CFAP20DC: variants seen among roughly 807,000 people sequenced by gnomAD.
CFAP20DC encodes CFAP20 domain containing, also known as protein CFAP20DC.
Under a neutral mutation model 101.7 loss-of-function variants are expected in CFAP20DC, and 84 were observed. That is an observed-to-expected ratio of 0.83 (90% confidence interval 0.69 to 0.99). The LOEUF (loss-of-function observed/expected upper bound fraction) is 0.99, where lower values mean the gene tolerates loss of function less well. CFAP20DC is among the 50% of genes least tolerant of loss of function. The probability of loss-of-function intolerance (pLI) is 0.00; values close to 1 mark genes in which losing one functional copy is unlikely to be tolerated. For missense variants in CFAP20DC, 1,007 were observed against 970.3 expected (o/e 1.04, Z -0.50); for synonymous variants, 359 against 351.2 (o/e 1.02, Z -0.25).
chr3:58,792,459 A>G (rs780105480), intron 15 of CFAP20DC, among the ~76,000 whole-genome samples: 27 of 152,130 alleles, frequency 1.8e-4, no homozygotes, highest in Non-Finnish European at 3.1e-4. Flanking sequence ...AACTATTTCA[A>G]TGCTTCATAG....
intron 4 of CFAP20DC, among the ~76,000 whole-genome samples, chr3:58,989,489 T>C (rs1405740973): frequency 1.3e-5 from 2 of 152,112 alleles, no homozygotes; most frequent in African/African-American, 4.8e-5. Flanking sequence ...ACACTATAAG[T>C]AGTTCATGAC....
chr3:59,038,208 C>T (rs1299331326), intron 4 of CFAP20DC, among the ~76,000 whole-genome samples: 1 of 152,048 alleles, frequency 6.6e-6, no homozygotes, highest in Admixed American at 6.6e-5. Flanking sequence ...TGCAGCGAAC[C>T]ACCATGGCAC....
At chr3:58,769,345 A>C (rs540575831) in intron 15 of CFAP20DC, among the ~76,000 whole-genome samples, 7 of 152,176 alleles carry the variant, frequency 4.6e-5, no homozygotes, top group Non-Finnish European at 1.0e-4. Context: ...GGCTGAGAGA[A>C]GATGTCCGGA....
chr3:59,010,963 T>C (rs1014087472), intron 4 of CFAP20DC, among the ~76,000 whole-genome samples: 2 of 152,216 alleles, frequency 1.3e-5, no homozygotes, highest in African/African-American at 4.8e-5. Context: ...GAATGATCTT[T>C]GGGTCAACAA....
chr3:58,758,937 T>C (rs1440035189), intron 15 of CFAP20DC, among the ~76,000 whole-genome samples: 1 of 152,170 alleles, frequency 6.6e-6, no homozygotes, highest in Non-Finnish European at 1.5e-5. Flanking sequence ...CAGTCTATCA[T>C]TGTTGGACAT....
In CFAP20DC at chr3:58,861,812, T is replaced by G. The variant is rs2079275210; in HGVS notation, c.1593+1746A>C. The G allele has an allele frequency of 1.0e-6, 1 of 985,298 alleles. No individual in the cohort carries two copies. The highest frequency in any genetic ancestry group is 1.7e-5 in the African/African-American group (1 of 57,244). The allele number at this position is 985,298 out of a possible 1,614,324, so 61.0% of individuals were successfully genotyped here. ...TCTAGCCGTATGCTACTGGTCACCTTGATGGGCATGGCACAGGGGTGACCA... is the reference window on the plus strand; with the variant it reads ...TCTAGCCGTATGCTACTGGTCACCTGGATGGGCATGGCACAGGGGTGACCA... On this transcript the variant is annotated intron_variant, in intron 12 of 16. Coordinates refer to ENST00000482387, the MANE Select transcript of CFAP20DC (RefSeq NM_001394063.1). The surrounding 1 kb of genome is among the most constrained non-coding windows in gnomAD (Gnocchi z 4.0).
chr3:58,856,229 C>A (rs560221411), intron 12 of CFAP20DC, among the ~76,000 whole-genome samples: 1 of 150,064 alleles, frequency 6.7e-6, no homozygotes, highest in South Asian at 2.1e-4. Context: ...TCATCCTGGG[C>A]ATACATTGTC....
At chr3:58,820,538 T>G (rs1167420026) in intron 14 of CFAP20DC, among the ~76,000 whole-genome samples, 2 of 151,164 alleles carry the variant, frequency 1.3e-5, no homozygotes, top group Non-Finnish European at 3.0e-5. Context: ...GAACTCCCAT[T>G]CACAATTGCT....
At chr3:58,812,418 A>G (rs1434602943) in intron 14 of CFAP20DC, among the ~76,000 whole-genome samples, 3 of 152,210 alleles carry the variant, frequency 2.0e-5, no homozygotes, top group East Asian at 3.9e-4. Context: ...ACATGGATGA[A>G]ATTGGAAATC....
At chr3:58,941,350 A>G (rs1559866754) in intron 4 of CFAP20DC, among the ~76,000 whole-genome samples, 1 of 150,872 alleles carries the variant, frequency 6.6e-6, no homozygotes, top group Non-Finnish European at 1.5e-5. Context: ...AAAAAAAAAA[A>G]AAAAAAGAAA....
intron 16 of CFAP20DC, among the ~76,000 whole-genome samples, chr3:58,746,042 G>A (rs1328250074): frequency 2.0e-5 from 3 of 152,060 alleles, no homozygotes; most frequent in East Asian, 3.9e-4. Flanking sequence ...GGTTATGTAC[G>A]TTTATACCTT....
intron 5 of CFAP20DC, among the ~76,000 whole-genome samples, chr3:58,917,135 T>TC (rs1677519706): frequency 6.6e-6 from 1 of 152,158 alleles, no homozygotes; most frequent in Non-Finnish European, 1.5e-5. Flanking sequence ...TTGCTTGGAT[T>TC]AATAAGTCAG....
rs1318102169 is a variant in CFAP20DC at position 58,869,761 on chromosome 3, C to A, written c.853-271G>T. Among the ~76,000 whole-genome samples the A allele has an allele frequency of 6.6e-6, 1 of 151,856 alleles. No individual in the cohort carries two copies. The highest frequency in any genetic ancestry group is 1.9e-4 in the East Asian group (1 of 5,190). The stretch of plus-strand genomic sequence containing the variant: ...ACACTCCATCTTCAGTAGGTAGAAG[C>A]CGAATTAAAAATCACGCGTATGTCA... On this transcript the variant is annotated intron_variant, in intron 8 of 16. Transcript: ENST00000482387. This position sits in a 1 kb window ranked among gnomAD's most constrained non-coding sequence, Gnocchi z 4.3.
At chr3:58,943,492 G>C (rs953300201) in intron 4 of CFAP20DC, among the ~76,000 whole-genome samples, 3 of 152,130 alleles carry the variant, frequency 2.0e-5, no homozygotes, top group East Asian at 1.9e-4. Context: ...CTGACTGTTA[G>C]CAAAAAACTA....
At chr3:58,927,815 G>C (rs2086150238) in intron 5 of CFAP20DC, among the ~76,000 whole-genome samples, 1 of 152,238 alleles carries the variant, frequency 6.6e-6, no homozygotes, top group East Asian at 1.9e-4. Context: ...CTGCCACCTT[G>C]CTGCTCTCTG....
rs1462637832 is a variant in CFAP20DC, at chr3:58,717,781, T to G, written c.198-153A>C. Among the ~76,000 whole-genome samples, 1 of 152,194 alleles carries G rather than the reference T, an allele frequency of 6.6e-6. No homozygotes were observed. The highest frequency in any genetic ancestry group is 1.5e-5 in the Non-Finnish European group (1 of 68,042). Reference sequence around the variant, plus strand: ...TGGCTGGCAACTTATTAGCTAGAACTGGTGACTTGATCATCTCCAGCTGGA... The same window carrying G: ...TGGCTGGCAACTTATTAGCTAGAACGGGTGACTTGATCATCTCCAGCTGGA... On this transcript the variant is annotated intron_variant, in intron 3 of 3. Coordinates refer to the CFAP20DC transcript ENST00000486145. The surrounding 1 kb of genome is among the most constrained non-coding windows in gnomAD (Gnocchi z 4.1).
rs980276445 is a variant in CFAP20DC at position 58,736,516 on chromosome 3, TAAAG to T, written c.197+17249_197+17252del. ...CAGACTGGCATACTATCAGAATAAA[TAAAG>T]AGAGTTTTTCCCTCCTGGAATTCTT... On this transcript the variant is annotated intron_variant, in intron 3 of 3. Coordinates refer to the CFAP20DC transcript ENST00000486145. Among the ~76,000 whole-genome samples, 11 of 152,180 alleles carry T rather than the reference TAAAG, an allele frequency of 7.2e-5. No homozygotes were observed. In the East Asian group the frequency reaches 7.7e-4, roughly 11 times the overall value.
At chr3:58,730,311 A>G (rs193189878) in intron 3 of CFAP20DC, among the ~76,000 whole-genome samples, 2 of 152,366 alleles carry the variant, frequency 1.3e-5, no homozygotes, top group African/African-American at 4.8e-5. Flanking sequence ...TCCATCATGT[A>G]TGCATATATC....
chr3:58,885,283 T>TA (rs2081532612), intron 6 of CFAP20DC, among the ~76,000 whole-genome samples: 1 of 152,112 alleles, frequency 6.6e-6, no homozygotes, highest in Non-Finnish European at 1.5e-5. Context: ...TTATTATACT[T>TA]ATAATGATAT....
Sources: allele counts gnomAD v4.1 joint callset (sites outside exome capture counted in the v4.1 genomes callset), GRCh38; gene constraint gnomAD v4.1.1; non-coding constraint Gnocchi (gnomAD v3.1); transcripts MANE v1.5; gene names NCBI Gene and HGNC (gene_info 2026-07-23, HGNC 2026-07-21).